HDAC9: variants seen among roughly 807,000 people sequenced by gnomAD.
The protein encoded by HDAC9 is MEF-2 interacting transcription repressor (MITR) protein.
Under a neutral mutation model 139.4 loss-of-function variants are expected in HDAC9, and 41 were observed. That is an observed-to-expected ratio of 0.29 (90% CI 0.23 to 0.38). HDAC9 has a LOEUF of 0.38. Among genes scored for constraint, HDAC9 ranks in the 10% least tolerant of loss-of-function variants. The pLI, the probability that HDAC9 is intolerant of heterozygous loss-of-function variation, is 1.00. For missense variants in HDAC9, 1,147 were observed against 1,297.0 expected (o/e 0.88, Z 1.78); for synonymous variants, 517 against 476.2 (o/e 1.09, Z -1.12).
chr7:18,259,946 C>T (rs1795538991), intron 2 of HDAC9, among the ~76,000 whole-genome samples: 1 of 152,128 alleles, frequency 6.6e-6, no homozygotes, highest in African/African-American at 2.4e-5. Context: ...TTGGCATTGG[C>T]CACAGTTTCC....
intron 1 of HDAC9, chr7:18,088,158 A>G (rs1781913277): frequency 6.6e-6 from 1 of 152,236 alleles, no homozygotes. Context: ...GAAATCCTAT[A>G]AGAAATGAGA....
intron 14 of HDAC9, among the ~76,000 whole-genome samples, chr7:18,756,474 C>A (rs1439633976): frequency 6.6e-6 from 1 of 152,178 alleles, no homozygotes; most frequent in Non-Finnish European, 1.5e-5. Context: ...TTTTGAAAAT[C>A]CTTATTCAGG....
At chr7:18,881,499 G>A (rs10441039) in intron 22 of HDAC9, among the ~76,000 whole-genome samples, 10,636 of 152,000 alleles carry the variant, frequency 0.07, 936 homozygotes, top group African/African-American at 0.2. Flanking sequence ...GCCAGAACTA[G>A]GTGTGTTTTG....
intron 6 of HDAC9, among the ~76,000 whole-genome samples, chr7:18,613,842 C>G (rs1039335912): frequency 6.6e-6 from 1 of 151,988 alleles, no homozygotes; most frequent in Non-Finnish European, 1.5e-5. Context: ...TTCTCTGTGG[C>G]TTTTGACCCC....
intron 25 of HDAC9, among the ~76,000 whole-genome samples, chr7:18,979,677 T>C (rs561267810): frequency 5.3e-5 from 8 of 152,296 alleles, no homozygotes; most frequent in Middle Eastern, 3.4e-3. Context: ...GCTTGGCTTC[T>C]CCAGAGGCCT....
chr7:18,432,576 C>T (rs777103351), intron 1 of HDAC9, among the ~76,000 whole-genome samples: 1 of 152,174 alleles, frequency 6.6e-6, no homozygotes, highest in Non-Finnish European at 1.5e-5. Context: ...TTGCATCTTC[C>T]CCTATAATTG....
chr7:18,454,992 G>A (rs538080263), intron 1 of HDAC9, among the ~76,000 whole-genome samples: 9 of 152,206 alleles, frequency 5.9e-5, no homozygotes, highest in African/African-American at 2.2e-4. Context: ...CTAATAAGGT[G>A]TCTCTGAACA....
intron 12 of HDAC9, among the ~76,000 whole-genome samples, chr7:18,724,833 G>A (rs1267549514): frequency 6.6e-6 from 1 of 152,170 alleles, no homozygotes; most frequent in Non-Finnish European, 1.5e-5. Flanking sequence ...AGCATGGAGT[G>A]TGAGCTCAAG....
At chr7:18,835,779 C>A in intron 20 of HDAC9, 121 bp from the exon 21 acceptor site, 1 of 981,944 alleles carries the variant, frequency 1.0e-6, no homozygotes, top group Non-Finnish European at 1.6e-6. Context: ...GAAGGTTGGG[C>A]TGATTTGATG....
intron 1 of HDAC9, among the ~76,000 whole-genome samples, chr7:18,364,585 C>A (rs1160093584): frequency 6.6e-6 from 1 of 151,942 alleles, no homozygotes; most frequent in Non-Finnish European, 1.5e-5. Flanking sequence ...AGCATGGGCA[C>A]CCTGGAAGCT....
intron 2 of HDAC9, among the ~76,000 whole-genome samples, chr7:18,514,081 C>T (rs1802423225): frequency 6.6e-6 from 1 of 152,166 alleles, no homozygotes; most frequent in Non-Finnish European, 1.5e-5. Context: ...ATTGTTATGA[C>T]TTATCTAGCT....
At chr7:18,850,425 G>T (rs1797202226) in intron 21 of HDAC9, among the ~76,000 whole-genome samples, 1 of 152,150 alleles carries the variant, frequency 6.6e-6, no homozygotes, top group Non-Finnish European at 1.5e-5. Context: ...CGTAGGGGAG[G>T]ATTCTTCCCT....
chr7:18,394,833 A>T (rs1786874248), intron 1 of HDAC9, among the ~76,000 whole-genome samples: 1 of 152,096 alleles, frequency 6.6e-6, no homozygotes, highest in African/African-American at 2.4e-5. Context: ...CATTTCTGAT[A>T]CCAAAGGACA....
At chr7:18,537,776 G>C (rs1347144084) in intron 2 of HDAC9, among the ~76,000 whole-genome samples, 1 of 152,196 alleles carries the variant, frequency 6.6e-6, no homozygotes, top group East Asian at 1.9e-4. Context: ...AAGTTCCAGA[G>C]AGATGTAGCT....
intron 1 of HDAC9, among the ~76,000 whole-genome samples, chr7:18,147,655 G>GCAATAATTTTGCTTATTTTTTAA (rs1320695599): frequency 6.6e-6 from 1 of 151,472 alleles, no homozygotes; most frequent in African/African-American, 2.4e-5. Flanking sequence ...TAAGCAATAA[G>GCAATAATTTTGCTTATTTTTTAA]GCATTTAAAA....
At chr7:18,345,858 C>A (rs1459450663) in intron 1 of HDAC9, among the ~76,000 whole-genome samples, 1 of 151,958 alleles carries the variant, frequency 6.6e-6, no homozygotes, top group Non-Finnish European at 1.5e-5. Context: ...CTGCTGGCCT[C>A]TGGCATGCAT....
chr7:18,994,056 A>C (rs1786247914), intron 25 of HDAC9, among the ~76,000 whole-genome samples: 1 of 152,080 alleles, frequency 6.6e-6, no homozygotes, highest in Non-Finnish European at 1.5e-5. Flanking sequence ...TAGACAGCCT[A>C]CTCACATCCT....
chr7:18,112,896 G>T lies in HDAC9; in HGVS notation c.-97+25683G>T, dbSNP rs1049011598. Among the ~76,000 whole-genome samples, 4 of 151,972 alleles carry T rather than the reference G, an allele frequency of 2.6e-5. No individual in the cohort carries two copies. The East Asian group carries it at 7.7e-4, about 29-fold the overall frequency. The stretch of plus-strand genomic sequence containing the variant: ...CTAGGTTGGTAGGTAGTCAGAAGAT[G>T]TTTACAGGTTTGGGAGAGCGTTTGT... On this transcript the variant is annotated intron_variant, in intron 1 of 12. Coordinates refer to the HDAC9 transcript ENST00000417496.
chr7:18,095,557 A>G (rs1782451449), intron 1 of HDAC9, among the ~76,000 whole-genome samples: 1 of 152,166 alleles, frequency 6.6e-6, no homozygotes, highest in Non-Finnish European at 1.5e-5. Context: ...TTGGCTTCCT[A>G]ATGGGTACCT....
Sources: allele counts gnomAD v4.1 joint callset (sites outside exome capture counted in the v4.1 genomes callset), GRCh38; gene constraint gnomAD v4.1.1; transcripts MANE v1.5; gene names NCBI Gene and HGNC (gene_info 2026-07-23, HGNC 2026-07-21).